The following ZHX3 variants were observed in gnomAD, a reference collection of about 807,000 sequenced individuals.
ZHX3 encodes zinc fingers and homeoboxes protein 3.
In ZHX3, 20 loss-of-function variants were observed where a neutral mutation model predicts 64.5. That is an observed-to-expected ratio of 0.31 (90% CI 0.22 to 0.45). The LOEUF is 0.45. Among genes scored for constraint, ZHX3 ranks in the 20% least tolerant of loss-of-function variants. ZHX3 has a pLI of 1.00. For synonymous variants in ZHX3, 423 were observed against 461.6 expected, an observed-to-expected ratio of 0.92 and a Z score of 1.07; for missense variants, 1,041 against 1,195.8, an observed-to-expected ratio of 0.87 and a Z score of 1.91.
intron 2 of ZHX3, among the ~76,000 whole-genome samples, chr20:41,248,122 A>G (rs1049283862): frequency 2.0e-5 from 3 of 152,208 alleles, no homozygotes; most frequent in African/African-American, 7.2e-5. Flanking sequence ...ATGCTGGGTC[A>G]TCACTCTTCA....
intron 1 of ZHX3, chr20:41,290,182 G>A (rs2044157435): frequency 6.6e-6 from 1 of 152,188 alleles, no homozygotes; most frequent in Non-Finnish European, 1.5e-5. Flanking sequence ...GTTATTGAAT[G>A]CTGATTATGT....
chr20:41,184,968 G>A lies in ZHX3; in HGVS notation c.*223C>T, dbSNP rs2036395083. ...AAGGAAAGGTCCTACATTGTGGGAG[G>A]AAGAACTGATGAGAACCCCATCTTG... On this transcript the variant is annotated 3_prime_UTR_variant, in exon 4 of 4. Transcript: ENST00000683867. The A allele has an allele frequency of 6.5e-7, 1 of 1,548,204 alleles. No homozygotes were observed. Among genetic ancestry groups the A allele is most frequent in the Non-Finnish European group, 8.7e-7 (1 of 1,146,980 alleles).
At position 41,232,069 on chromosome 20, in the gene ZHX3, A is replaced by G. The variant is rs2040642479; in HGVS notation, c.-150-27003T>C. ...ATAGAGGCAGTGAAACAGCCTTTGA[A>G]GTTGTTTTCAAAGGAAGCCACCAAG... On this transcript the variant is annotated intron_variant, in intron 2 of 3. Coordinates refer to ENST00000683867, the MANE Select transcript of ZHX3 (RefSeq NM_001384317.1). This position sits in a 1 kb window ranked among gnomAD's most constrained non-coding sequence, Gnocchi z 5.0. Among the ~76,000 whole-genome samples the G allele has an allele frequency of 6.6e-6, 1 of 152,206 alleles. No individual in the cohort carries two copies. Among genetic ancestry groups the G allele is most frequent in the African/African-American group, 2.4e-5 (1 of 41,458 alleles).
intron 2 of ZHX3, among the ~76,000 whole-genome samples, chr20:41,266,995 C>G (rs2042894365): frequency 2.0e-5 from 3 of 151,934 alleles, no homozygotes; most frequent in Admixed American, 2.0e-4. Context: ...CAGGCGCCTG[C>G]CACCATGCCT....
intron 1 of ZHX3, among the ~76,000 whole-genome samples, chr20:41,272,863 C>A (rs1292060380): frequency 6.6e-6 from 1 of 152,080 alleles, no homozygotes; most frequent in Non-Finnish European, 1.5e-5. Context: ...TTGTCTGATA[C>A]TTGTTTTCAA....
intron 1 of ZHX3, among the ~76,000 whole-genome samples, chr20:41,297,320 C>G (rs1449644425): frequency 6.6e-6 from 1 of 152,200 alleles, no homozygotes; most frequent in Non-Finnish European, 1.5e-5. Flanking sequence ...CCTCAGACCC[C>G]AGAGGAATAA....
rs1357139124 is a variant in ZHX3 at position 41,182,594 on chromosome 20, T to G, written c.*2597A>C. 7.5e-6 allele frequency: 1 copy of G among 133,396 alleles called. No homozygotes were observed. Among genetic ancestry groups the G allele is most frequent in the East Asian group, 2.2e-4 (1 of 4,636 alleles). The allele number at this position is 133,396 out of a possible 1,614,324, so 8.3% of individuals were successfully genotyped here. A position where few individuals can be genotyped will look rare whatever the true frequency, so the allele number is the denominator to read the frequency against. ...AGCACCTGCGTGATGACTGCCTCCC[T>G]CATCATCGCTTTTGATCATCTTTCA... is the stretch of plus-strand genomic sequence containing the variant. On this transcript the variant is annotated 3_prime_UTR_variant, in exon 4 of 4. Coordinates refer to ENST00000683867, the MANE Select transcript of ZHX3 (RefSeq NM_001384317.1). This position sits in a 1 kb window ranked among gnomAD's most constrained non-coding sequence, Gnocchi z 6.1.
At chr20:41,251,451 T>TA (rs968027138) in intron 2 of ZHX3, among the ~76,000 whole-genome samples, 1 of 151,868 alleles carries the variant, frequency 6.6e-6, no homozygotes, top group African/African-American at 2.4e-5. Flanking sequence ...AGAAATACAC[T>TA]AAAAAAACTA....
In ZHX3 at chr20:41,270,111, G is replaced by T. The variant is rs1372269755; in HGVS notation, c.-244-1028C>A. On this transcript the variant is annotated intron_variant, in intron 1 of 3. Transcript: ENST00000683867. ...ACCTAAAGAAAAGCATTATGTTAAG[G>T]CCGGGTACGGTGGCTCACGCCTGTA... Among the ~76,000 whole-genome samples, 2 of 152,172 alleles carry T rather than the reference G, an allele frequency of 1.3e-5. 1 individual carries two copies. The highest frequency in any genetic ancestry group is 2.9e-5 in the Non-Finnish European group (2 of 68,040).
intron 2 of ZHX3, among the ~76,000 whole-genome samples, chr20:41,265,494 G>A (rs1324269254): frequency 1.3e-5 from 2 of 152,040 alleles, no homozygotes; most frequent in African/African-American, 2.4e-5. Flanking sequence ...GAGCCACCGC[G>A]CCCGGCCGTT....
intron 1 of ZHX3, among the ~76,000 whole-genome samples, chr20:41,307,283 C>T (rs1182489091): frequency 1.3e-5 from 2 of 152,132 alleles, no homozygotes; most frequent in African/African-American, 4.8e-5. Context: ...TGACAACCAC[C>T]CCAGAGAAAG....
In ZHX3 at chr20:41,266,212, C is replaced by T. The variant is rs1244642154; in HGVS notation, c.-151+2778G>A. On this transcript the variant is annotated intron_variant, in intron 2 of 3. Transcript: ENST00000683867. ...TAAAGGTGAAAGAGAAAAAGCATGA[C>T]GTGTAGAATAAACATCATACTTCAT... Among the ~76,000 whole-genome samples the T allele has an allele frequency of 4.6e-5, 7 of 152,106 alleles. 1 individual carries two copies. Among genetic ancestry groups the T allele is most frequent in the African/African-American group, 1.2e-4 (5 of 41,408 alleles).
At chr20:41,303,951 G>A (rs1433091830) in intron 1 of ZHX3, among the ~76,000 whole-genome samples, 1 of 152,132 alleles carries the variant, frequency 6.6e-6, no homozygotes, top group Non-Finnish European at 1.5e-5. Context: ...GTAATGTGGT[G>A]GTGGGATGCT....
rs1477336437 is a variant in ZHX3 at position 41,226,896 on chromosome 20, G to A, written c.-150-21830C>T. Among the ~76,000 whole-genome samples, 7 of 152,156 alleles carry A rather than the reference G, an allele frequency of 4.6e-5. No individual in the cohort carries two copies. Among genetic ancestry groups the A allele is most frequent in the Admixed American group, 1.3e-4 (2 of 15,274 alleles). On this transcript the variant is annotated intron_variant, in intron 2 of 3. Transcript: ENST00000683867. This position sits in a 1 kb window ranked among gnomAD's most constrained non-coding sequence, Gnocchi z 4.4. ...AGGTACTCAGGGTCTAAGCCCCCTG[G>A]AACAATAGAGGGCTATGGCTCTACC...
chr20:41,315,710 T>C (rs2045269642), intron 1 of ZHX3, among the ~76,000 whole-genome samples: 1 of 152,088 alleles, frequency 6.6e-6, no homozygotes, highest in Non-Finnish European at 1.5e-5. Flanking sequence ...TCTCTCATAA[T>C]CTAGTTATAA....
intron 1 of ZHX3, among the ~76,000 whole-genome samples, chr20:41,271,277 C>A (rs1036175424): frequency 3.9e-5 from 6 of 152,234 alleles, no homozygotes; most frequent in Admixed American, 6.5e-5. Flanking sequence ...CTCAGCCTCC[C>A]AAAGTGCTGG....
chr20:41,245,188 A>G (rs2041617164), intron 2 of ZHX3, among the ~76,000 whole-genome samples: 1 of 152,216 alleles, frequency 6.6e-6, no homozygotes. Flanking sequence ...GCATCATGTA[A>G]TACCTATATA....
chr20:41,237,206 G>A (rs1228293897), intron 2 of ZHX3, among the ~76,000 whole-genome samples: 6 of 152,308 alleles, frequency 3.9e-5, no homozygotes, highest in Admixed American at 6.5e-5. Flanking sequence ...TCAGTGTGGC[G>A]ATTCCTCAGG....
At chr20:41,253,915 G>T (rs1303401084) in intron 2 of ZHX3, among the ~76,000 whole-genome samples, 1 of 151,402 alleles carries the variant, frequency 6.6e-6, no homozygotes, top group African/African-American at 2.4e-5. Context: ...TTTCAATTTT[G>T]CAGTATGTTT....
Sources: allele counts gnomAD v4.1 joint callset (sites outside exome capture counted in the v4.1 genomes callset), GRCh38; gene constraint gnomAD v4.1.1; non-coding constraint Gnocchi (gnomAD v3.1); transcripts MANE v1.5; gene names NCBI Gene and HGNC (gene_info 2026-07-23, HGNC 2026-07-21).